ASGR2: variants seen among roughly 807,000 people sequenced by gnomAD.
ASGR2 encodes C-type lectin domain family 4 member H2.
A neutral mutation model predicts 32.3 loss-of-function variants in ASGR2; 34 were observed. That is an observed-to-expected ratio of 1.05 (90% CI 0.80 to 1.40). ASGR2 has a LOEUF of 1.40. Among genes scored for constraint, ASGR2 ranks in the 40% most tolerant of loss-of-function variants. The probability of loss-of-function intolerance (pLI) is 0.00; values close to 1 mark genes in which losing one functional copy is unlikely to be tolerated. For missense variants in ASGR2, 385 were observed against 386.4 expected, an observed-to-expected ratio of 1.00 and a Z score of 0.03; for synonymous variants, 143 against 150.0, an observed-to-expected ratio of 0.95 and a Z score of 0.34.
At position 7,114,080 on chromosome 17, in the gene ASGR2, CAG is replaced by C. The variant is rs1322473165; in HGVS notation, c.124+35_124+36del. 3 of 1,612,630 alleles carry C rather than the reference CAG, an allele frequency of 1.9e-6. No homozygotes were observed. Among genetic ancestry groups the C allele is most frequent in the Non-Finnish European group, 2.5e-6 (3 of 1,179,314 alleles). ...GGGACAGAGCAATCATGAGCTGAGA[CAG>C]AGGGGGAGCAAAGCCGCAGAAACTG... On this transcript the variant is annotated intron_variant, in intron 2 of 8. Transcript: ENST00000691900. This position sits in a 1 kb window ranked among gnomAD's most constrained non-coding sequence, Gnocchi z 4.5.
At chr17:7,105,333 T>A (rs1338918501) in intron 7 of ASGR2, among the ~76,000 whole-genome samples, 1 of 152,102 alleles carries the variant, frequency 6.6e-6, no homozygotes, top group Non-Finnish European at 1.5e-5. Context: ...ACTCACCTAT[T>A]AAAAGAAAAG....
Position 7,108,907 on chromosome 17 carries a change from A to T in ASGR2, c.125-19T>A, listed in dbSNP as rs1436325509. ...GGTGGCCCTGTGGGAGAGGGGCATC[A>T]GGAGCCGGCAGCCTGGGTGTGGGGA... On this transcript the variant is annotated intron_variant, in intron 2 of 8. Transcript: ENST00000691900. This position sits in a 1 kb window ranked among gnomAD's most constrained non-coding sequence, Gnocchi z 4.9. 3.9e-6 allele frequency: 6 copies of T among 1,544,072 alleles called. No individual in the cohort carries two copies. The highest frequency in any genetic ancestry group is 5.2e-6 in the Non-Finnish European group (6 of 1,143,592).
chr17:7,105,527 A>C (rs758378019), intron 7 of ASGR2, among the ~76,000 whole-genome samples: 1 of 151,986 alleles, frequency 6.6e-6, no homozygotes, highest in Non-Finnish European at 1.5e-5. Context: ...AAAATGCAAA[A>C]AACTACCCAG....
At position 7,107,587 on chromosome 17, in the gene ASGR2, T is replaced by C. The variant is rs1182231275; in HGVS notation, c.409+249A>G. 1.6e-6 allele frequency: 1 copy of C among 635,350 alleles called. No individual in the cohort carries two copies. Among genetic ancestry groups the C allele is most frequent in the Non-Finnish European group, 2.8e-6 (1 of 360,060 alleles). The allele number at this position is 635,350 out of a possible 1,614,324, so 39.4% of individuals were successfully genotyped here. On this transcript the variant is annotated intron_variant, in intron 5 of 8. Coordinates refer to ENST00000691900, the MANE Select transcript of ASGR2 (RefSeq NM_001201352.2). The surrounding 1 kb of genome is among the most constrained non-coding windows in gnomAD (Gnocchi z 5.0). ...TATACCATACCGCACACACACAGACTCATCTCACACACACCACCACACATG... is the reference window on the plus strand; with the variant it reads ...TATACCATACCGCACACACACAGACCCATCTCACACACACCACCACACATG...
intron 7 of ASGR2, 123 bp downstream of exon 7, chr17:7,106,877 T>G: frequency 7.6e-7 from 1 of 1,320,988 alleles, no homozygotes; most frequent in East Asian, 2.5e-5. Context: ...GCACTCCAGC[T>G]TGGGCGACAG....
chr17:7,112,984 C>T (rs539747460), intron 2 of ASGR2, among the ~76,000 whole-genome samples: 28 of 152,260 alleles, frequency 1.8e-4, no homozygotes, highest in African/African-American at 6.7e-4. Context: ...AGCAAGACCC[C>T]ATTTCTCTAA....
rs754517498 is a variant in ASGR2, at chr17:7,107,020, T to C, written c.628A>G (p.Ile210Val). The C allele has an allele frequency of 9.3e-6, 15 of 1,614,060 alleles. No homozygotes were observed. In the East Asian group the frequency reaches 2.7e-4, roughly 29 times the overall value. The part of the protein sequence containing the change: ...CQLENAHLVV[I>V]NSWEEQKFIV... ...CTCACCTGCTCCTCCCAGGAGTTGA[T>C]GACCACCAGGTGTGCGTTCTCCAGC... Residue 210 changes from isoleucine to valine, a missense_variant, in exon 7 of 9, where the codon ATC (isoleucine) becomes GTC (valine). Physicochemically the swap from Ile to Val is conservative, Grantham distance 29 (BLOSUM62 3). Coordinates refer to ENST00000691900, the MANE Select transcript of ASGR2 (RefSeq NM_001201352.2). The surrounding 1 kb of genome is among the most constrained non-coding windows in gnomAD (Gnocchi z 5.0).
Position 7,114,026 on chromosome 17 carries a change from C to A in ASGR2, c.124+91G>T. On this transcript the variant is annotated intron_variant, in intron 2 of 8. Coordinates refer to ENST00000691900, the MANE Select transcript of ASGR2 (RefSeq NM_001201352.2). This position sits in a 1 kb window ranked among gnomAD's most constrained non-coding sequence, Gnocchi z 4.5. ...TGTCGGGCCCTCCTCAGTCCCTGTT[C>A]ACAGAGTGGGTGCGGCAGAGACCTC... is the stretch of plus-strand genomic sequence containing the variant. 6.4e-7 allele frequency: 1 copy of A among 1,560,996 alleles called. No individual in the cohort carries two copies. Among genetic ancestry groups the A allele is most frequent in the South Asian group, 1.2e-5 (1 of 84,096 alleles).
Position 7,101,617 on chromosome 17 carries a change from C to T in ASGR2, c.879G>A (p.Trp293Ter), listed in dbSNP as rs139247697. 2.9e-5 allele frequency: 47 copies of T among 1,614,164 alleles called. No individual in the cohort carries two copies. In the African/African-American group the frequency reaches 6.0e-4, roughly 21 times the overall value. The stretch of plus-strand genomic sequence containing the variant: ...TGGCATTCCGCCTTTTCTCACACAC[C>T]CAGCGGTACACCTGCAGGCAGAAGT... ...NDDFCLQVYRWVCEKRRNATG... is the reference protein window; with the variant it reads ...NDDFCLQVYR Residue 293 changes from tryptophan (W) to a stop codon, truncating the protein, a stop_gained, in exon 9 of 9, where the codon TGG becomes TGA. Coordinates refer to ENST00000691900, the MANE Select transcript of ASGR2 (RefSeq NM_001201352.2). LOFTEE classifies it low-confidence loss of function (END_TRUNC).
In ASGR2 at chr17:7,113,860, C is replaced by T. The variant is rs958361265; in HGVS notation, c.124+257G>A. Among the ~76,000 whole-genome samples, 9 of 152,252 alleles carry T rather than the reference C, an allele frequency of 5.9e-5. No individual in the cohort carries two copies. The highest frequency in any genetic ancestry group is 2.1e-4 in the South Asian group (1 of 4,838). On this transcript the variant is annotated intron_variant, in intron 2 of 8. Coordinates refer to ENST00000691900, the MANE Select transcript of ASGR2 (RefSeq NM_001201352.2). The surrounding 1 kb of genome is among the most constrained non-coding windows in gnomAD (Gnocchi z 5.1). ...TTCCTCATATGCACATACGTGCACA[C>T]GCACATACGAGGCACATGTGTTCTT...
chr17:7,104,303 G>A (rs140313246), intron 7 of ASGR2, among the ~76,000 whole-genome samples: 16,074 of 143,386 alleles, frequency 0.11, 1,137 homozygotes, highest in African/African-American at 0.21. Context: ...AGCCAAGATC[G>A]TGCCATTGCA....
chr17:7,107,455 C>A lies in ASGR2; in HGVS notation c.410-138G>T. 1 of 827,198 alleles carries A rather than the reference C, an allele frequency of 1.2e-6. No individual in the cohort carries two copies. The allele number at this position is 827,198 out of a possible 1,614,324, so 51.2% of individuals were successfully genotyped here. On this transcript the variant is annotated intron_variant, in intron 5 of 8. Coordinates refer to ENST00000691900, the MANE Select transcript of ASGR2 (RefSeq NM_001201352.2). The surrounding 1 kb of genome is among the most constrained non-coding windows in gnomAD (Gnocchi z 5.0). ...CACACCACACACCATACCACACACA[C>A]ACCACAGACATGTACACCACACATA...
chr17:7,107,899 C>G lies in ASGR2; in HGVS notation c.346G>C (p.Val116Leu). Residue 116 changes from valine (V) to leucine (L), a missense_variant, in exon 5 of 9, where the codon GTG becomes CTG. Coordinates refer to ENST00000691900, the MANE Select transcript of ASGR2 (RefSeq NM_001201352.2). The surrounding 1 kb of genome is among the most constrained non-coding windows in gnomAD (Gnocchi z 5.0). Reference protein sequence around the residue: ...VQAISTHGGSVGDKITSLGAK... With the variant: ...VQAISTHGGSLGDKITSLGAK... Reference sequence around the variant, plus strand: ...CCTAGGGATGTGATCTTGTCACCCACGCTGCCTCCTGGAAGCGGAAAGCCA... The same window carrying G: ...CCTAGGGATGTGATCTTGTCACCCAGGCTGCCTCCTGGAAGCGGAAAGCCA... 6.2e-7 allele frequency: 1 copy of G among 1,613,754 alleles called. No homozygotes were observed. Among genetic ancestry groups the G allele is most frequent in the Non-Finnish European group, 8.5e-7 (1 of 1,179,976 alleles).
chr17:7,107,807 A>T lies in ASGR2; in HGVS notation c.409+29T>A. Reference sequence around the variant, plus strand: ...ACCGCACACGTACACATGCACGCACATGCGCACACACCCCGGAGGCTCTCT... The same window carrying T: ...ACCGCACACGTACACATGCACGCACTTGCGCACACACCCCGGAGGCTCTCT... On this transcript the variant is annotated intron_variant, in intron 5 of 8. Transcript: ENST00000691900. The surrounding 1 kb of genome is among the most constrained non-coding windows in gnomAD (Gnocchi z 5.0). The T allele has an allele frequency of 6.2e-7, 1 of 1,612,096 alleles. No homozygotes were observed. The highest frequency in any genetic ancestry group is 1.7e-5 in the Admixed American group (1 of 59,928).
chr17:7,108,768 T>C lies in ASGR2; in HGVS notation c.241+4A>G, dbSNP rs777721359. The C allele has an allele frequency of 6.8e-6, 11 of 1,613,882 alleles. No individual in the cohort carries two copies. Among genetic ancestry groups the C allele is most frequent in the Non-Finnish European group, 9.3e-6 (11 of 1,179,976 alleles). ...CCATCCCTGCTGGCCCCCGTGACCC[T>C]CACTTTGGGACCCAGTCACACAGAT... On this transcript the variant is annotated splice_donor_region_variant and intron_variant, in intron 3 of 8. Coordinates refer to ENST00000691900, the MANE Select transcript of ASGR2 (RefSeq NM_001201352.2). The surrounding 1 kb of genome is among the most constrained non-coding windows in gnomAD (Gnocchi z 4.9).
At chr17:7,109,936 C>T (rs1914410658) in intron 2 of ASGR2, among the ~76,000 whole-genome samples, 1 of 152,298 alleles carries the variant, frequency 6.6e-6, no homozygotes, top group African/African-American at 2.4e-5. Context: ...CTCCAGTTGT[C>T]CCAGCCCTGA....
At chr17:7,102,220 A>C in intron 7 of ASGR2, 24 bp from the exon 8 acceptor site, 1 of 1,592,506 alleles carries the variant, frequency 6.3e-7, no homozygotes, top group Non-Finnish European at 8.6e-7. Flanking sequence ...CAAACAGGAA[A>C]TTTCTAGTCT....
At chr17:7,103,075 C>T (rs962056200) in intron 7 of ASGR2, among the ~76,000 whole-genome samples, 1 of 152,198 alleles carries the variant, frequency 6.6e-6, no homozygotes, top group African/African-American at 2.4e-5. Flanking sequence ...AAGGTGTGGT[C>T]ACCTGGTTTT....
intron 2 of ASGR2, among the ~76,000 whole-genome samples, chr17:7,110,374 C>G (rs1914471422): frequency 6.6e-6 from 1 of 152,042 alleles, no homozygotes; most frequent in Non-Finnish European, 1.5e-5. Flanking sequence ...TGTTCCCCAC[C>G]AAGCTGGCCC....
Sources: gnomAD v4.1 joint callset for allele counts (sites outside exome capture counted in the v4.1 genomes callset) on GRCh38, gnomAD v4.1.1 for gene constraint, Gnocchi (gnomAD v3.1) non-coding constraint, MANE v1.5 for transcripts, NCBI Gene and HGNC (gene_info 2026-07-23, HGNC 2026-07-21) for gene names.